The following ERCC1 variants were observed in gnomAD, a reference collection of about 807,000 sequenced individuals.
ERCC1 encodes the protein DNA excision repair protein ERCC-1.
ERCC1 carries 36 observed loss-of-function variants against 37.6 expected under a neutral mutation model. The ratio of observed to expected loss-of-function variants is 0.96; its 90% CI spans 0.73 to 1.26. The LOEUF (loss-of-function observed/expected upper bound fraction) is 1.26, where lower values mean the gene tolerates loss of function less well. Ranked by LOEUF, ERCC1 falls within the 50% of genes most tolerant of loss-of-function variation. The probability of loss-of-function intolerance (pLI) is 0.00; values close to 1 mark genes in which losing one functional copy is unlikely to be tolerated. For synonymous variants in ERCC1, 156 were observed against 162.1 expected, an observed-to-expected ratio of 0.96 and a Z score of 0.28; for missense variants, 349 against 376.5, an observed-to-expected ratio of 0.93 and a Z score of 0.60.
Position 45,409,556 on chromosome 19 carries a change from ACCAGAAGGTGACACCC to A in ERCC1, c.*103_*118del. On this transcript the variant is annotated 3_prime_UTR_variant, in exon 10 of 10. Transcript: ENST00000300853. ...AAAGCTGAAGGTGCCCACCTGGGCC[ACCAGAAGGTGACACCC>A]CCAGAATCCCTCCCCAGAGACTGCA... 6.4e-7 allele frequency: 1 copy of A among 1,573,314 alleles called. No individual in the cohort carries two copies. The highest frequency in any genetic ancestry group is 8.6e-7 in the Non-Finnish European group (1 of 1,159,674).
chr19:45,435,084 A>G (rs536229586), intron 1 of ERCC1, among the ~76,000 whole-genome samples: 73 of 151,642 alleles, frequency 4.8e-4, no homozygotes, highest in African/African-American at 1.3e-3. Flanking sequence ...TGCCTGGCCA[A>G]ATTTTTGTAT....
rs560766196 is a variant in ERCC1 at position 45,407,968 on chromosome 19, C to G, written c.*1707G>C. Reference sequence around the variant, plus strand: ...ACTTGAGAGGCTGAGGCAGGAGAATCGCTTGAACCCAGGAGGTGGACATTG... The same window carrying G: ...ACTTGAGAGGCTGAGGCAGGAGAATGGCTTGAACCCAGGAGGTGGACATTG... On this transcript the variant is annotated 3_prime_UTR_variant, in exon 10 of 10. Coordinates refer to ENST00000300853, the MANE Select transcript of ERCC1 (RefSeq NM_001983.4). 1.2e-6 allele frequency: 1 copy of G among 861,272 alleles called. No homozygotes were observed. Among genetic ancestry groups the G allele is most frequent in the African/African-American group, 1.7e-5 (1 of 59,152 alleles). 53.4% of individuals were successfully genotyped at this position (861,272 alleles called of 1,614,324 possible). A position where few individuals can be genotyped will look rare whatever the true frequency, so the allele number is the denominator to read the frequency against.
At position 45,409,109 on chromosome 19, in the gene ERCC1, G is replaced by A; in HGVS notation, c.*566C>T. On this transcript the variant is annotated 3_prime_UTR_variant, in exon 10 of 10. Transcript: ENST00000300853. ...GAAGCCTCAGGCCCAGGCAGCTCTG[G>A]CAGCTCCCAAAAAGAAGACGAAGAA... is the stretch of plus-strand genomic sequence containing the variant. The A allele has an allele frequency of 6.2e-7, 1 of 1,613,192 alleles. No individual in the cohort carries two copies. The highest frequency in any genetic ancestry group is 8.5e-7 in the Non-Finnish European group (1 of 1,179,386).
chr19:45,443,501 G>A (rs1262211446), intron 1 of ERCC1, among the ~76,000 whole-genome samples: 1 of 152,186 alleles, frequency 6.6e-6, no homozygotes, highest in Non-Finnish European at 1.5e-5. Context: ...CGCGCCGTTG[G>A]TGGACTCCGC....
chr19:45,407,778 C>A lies in ERCC1; in HGVS notation c.*1897G>T. ...GTTTTATTAAAAACCAGAGGCCAGC[C>A]AGGCGCAGTGGCTGGTGCCTGTAAT... On this transcript the variant is annotated 3_prime_UTR_variant, in exon 10 of 10. Coordinates refer to ENST00000300853, the MANE Select transcript of ERCC1 (RefSeq NM_001983.4). 1 of 254,866 alleles carries A rather than the reference C, an allele frequency of 3.9e-6. No individual in the cohort carries two copies. Among genetic ancestry groups the A allele is most frequent in the Non-Finnish European group, 7.5e-6 (1 of 132,878 alleles). 15.8% of individuals were successfully genotyped at this position (254,866 alleles called of 1,614,324 possible).
At chr19:45,418,822 TCAAA>T (rs111532874) in intron 5 of ERCC1, among the ~76,000 whole-genome samples, 63 of 152,200 alleles carry the variant, frequency 4.1e-4, no homozygotes, top group Admixed American at 2.3e-3. Flanking sequence ...AAACTCCGTC[TCAAA>T]CAAACAAACA....
intron 2 of ERCC1, among the ~76,000 whole-genome samples, chr19:45,422,280 C>T (rs1974482813): frequency 6.6e-6 from 1 of 152,076 alleles, no homozygotes; most frequent in Non-Finnish European, 1.5e-5. Flanking sequence ...CCTTCTACCA[C>T]TTCTCCTTGC....
intron 1 of ERCC1, among the ~76,000 whole-genome samples, chr19:45,448,168 G>A (rs1032128232): frequency 1.3e-5 from 2 of 152,144 alleles, no homozygotes; most frequent in Non-Finnish European, 2.9e-5. Flanking sequence ...CATCGCGCCC[G>A]GTCGTCTTTC....
At chr19:45,438,655 T>A (rs1038187422) in intron 1 of ERCC1, among the ~76,000 whole-genome samples, 12 of 152,056 alleles carry the variant, frequency 7.9e-5, no homozygotes, top group African/African-American at 2.9e-4. Flanking sequence ...TATTATTATT[T>A]TTTAAGACAG....
At position 45,417,354 on chromosome 19, in the gene ERCC1, G is replaced by A. The variant is rs539576345; in HGVS notation, c.526-457C>T. 2.0e-5 allele frequency among the ~76,000 whole-genome samples: 3 copies of A among 152,292 alleles called. No homozygotes were observed. In the East Asian group the frequency reaches 5.8e-4, roughly 29 times the overall value. On this transcript the variant is annotated intron_variant, in intron 5 of 9. Coordinates refer to ENST00000300853, the MANE Select transcript of ERCC1 (RefSeq NM_001983.4). ...CAGGGCTGCGATGTGGGAGCCAGAGGAGGGACTGAGCCTGCCTGGGGGATC... is the reference window on the plus strand; with the variant it reads ...CAGGGCTGCGATGTGGGAGCCAGAGAAGGGACTGAGCCTGCCTGGGGGATC...
Position 45,416,958 on chromosome 19 carries a change from G to A in ERCC1, c.526-61C>T, listed in dbSNP as rs563481130. ...CAGGAATTACAAAAATTAGCCAGGCGTGGTGGCAGGTGCCTGTAATCCCAG... is the reference window on the plus strand; with the variant it reads ...CAGGAATTACAAAAATTAGCCAGGCATGGTGGCAGGTGCCTGTAATCCCAG... On this transcript the variant is annotated intron_variant, in intron 5 of 9. Coordinates refer to ENST00000300853, the MANE Select transcript of ERCC1 (RefSeq NM_001983.4). 104 of 1,207,696 alleles carry A rather than the reference G, an allele frequency of 8.6e-5. No individual in the cohort carries two copies. In the East Asian group the frequency reaches 1.8e-3, roughly 20 times the overall value. 74.8% of individuals were successfully genotyped at this position (1,207,696 alleles called of 1,614,324 possible). A position where few individuals can be genotyped will look rare whatever the true frequency, so the allele number is the denominator to read the frequency against.
intron 6 of ERCC1, chr19:45,415,965 G>C (rs1355901337): frequency 5.8e-6 from 2 of 345,224 alleles, no homozygotes; most frequent in Non-Finnish European, 1.2e-5. Flanking sequence ...GCAAGGTGTT[G>C]TCTCCACAAA....
chr19:45,408,574 TTTGGGG>T lies in ERCC1; in HGVS notation c.*1095_*1100del, dbSNP rs773336535. Reference sequence around the variant, plus strand: ...ACGGGGCCCTGGAGGTGGACATGGCTTTGGGGTCGCCAGAAATGGATGTGCGGAAGA... The same window carrying T: ...ACGGGGCCCTGGAGGTGGACATGGCTTCGCCAGAAATGGATGTGCGGAAGA... On this transcript the variant is annotated 3_prime_UTR_variant, in exon 10 of 10. Coordinates refer to ENST00000300853, the MANE Select transcript of ERCC1 (RefSeq NM_001983.4). 3 of 1,612,928 alleles carry T rather than the reference TTTGGGG, an allele frequency of 1.9e-6. No homozygotes were observed. In the South Asian group the frequency reaches 3.3e-5, roughly 18 times the overall value.
At chr19:45,436,684 C>G (rs1403465832) in intron 1 of ERCC1, 1 of 152,328 alleles carries the variant, frequency 6.6e-6, no homozygotes, top group African/African-American at 2.4e-5. Context: ...GGGTCTTGCT[C>G]TATTGCCTAC....
intron 1 of ERCC1, among the ~76,000 whole-genome samples, chr19:45,431,535 G>C (rs1362692250): frequency 1.3e-5 from 2 of 152,184 alleles, no homozygotes; most frequent in African/African-American, 2.4e-5. Context: ...AAATTAGCTG[G>C]GCGTGGTGGC....
At chr19:45,422,147 G>C (rs1974475648) in intron 2 of ERCC1, among the ~76,000 whole-genome samples, 2 of 152,006 alleles carry the variant, frequency 1.3e-5, no homozygotes, top group South Asian at 4.2e-4. Flanking sequence ...CCCTAACTAA[G>C]TCCTCATGTC....
At chr19:45,413,500 T>C in intron 9 of ERCC1, 177 bp downstream of exon 9, 1 of 1,399,914 alleles carries the variant, frequency 7.1e-7, no homozygotes, top group South Asian at 1.2e-5. Context: ...GGTCTCCAAC[T>C]TCTGGCCTCA....
Position 45,408,034 on chromosome 19 carries a change from A to G in ERCC1, c.*1641T>C. The G allele has an allele frequency of 6.9e-7, 1 of 1,452,796 alleles. No homozygotes were observed. 90.0% of individuals were successfully genotyped at this position (1,452,796 alleles called of 1,614,324 possible). ...ATGCCACTGCACTCCAGCCTAGGCA[A>G]CAGAGCAAGACTCTCTCAAAAAAAA... On this transcript the variant is annotated 3_prime_UTR_variant, in exon 10 of 10. Transcript: ENST00000300853.
At chr19:45,423,695 C>G (rs1409020047) in intron 1 of ERCC1, 86 bp downstream of exon 1, 1 of 1,238,144 alleles carries the variant, frequency 8.1e-7, no homozygotes, top group Non-Finnish European at 1.0e-6. Flanking sequence ...ACGCCCTCCC[C>G]ACGCCTGGCC....
Sources: gnomAD v4.1 joint callset for allele counts (sites outside exome capture counted in the v4.1 genomes callset) on GRCh38, gnomAD v4.1.1 for gene constraint, MANE v1.5 for transcripts, NCBI Gene and HGNC (gene_info 2026-07-23, HGNC 2026-07-21) for gene names.